THOC5: variants seen among roughly 807,000 people sequenced by gnomAD.
The protein encoded by THOC5 is THO complex subunit 5, also known as Fms-interacting protein.
THOC5 carries 43 observed loss-of-function variants against 92.9 expected under a neutral mutation model. That is an observed-to-expected ratio of 0.46 (90% confidence interval 0.36 to 0.60). The LOEUF (loss-of-function observed/expected upper bound fraction) is 0.60. Ranked by LOEUF, THOC5 falls within the 20% of genes least tolerant of loss-of-function variation. THOC5 has a pLI of 0.00. For missense variants in THOC5, 659 were observed against 849.4 expected (o/e 0.78, Z 2.79); for synonymous variants, 296 against 320.1 (o/e 0.92, Z 0.80).
chr22:29,552,318 C>A (rs566944782), intron 1 of THOC5, among the ~76,000 whole-genome samples: 29,505 of 149,382 alleles, frequency 0.2, 3,155 homozygotes, highest in East Asian at 0.42. Context: ...CTTCCCGGAC[C>A]CCATCCCGTC....
At position 29,508,439 on chromosome 22, in the gene THOC5, A is replaced by G. The variant is rs375282870; in HGVS notation, c.*18T>C. 11 of 1,613,936 alleles carry G rather than the reference A, an allele frequency of 6.8e-6. No individual in the cohort carries two copies. In the African/African-American group the frequency reaches 1.3e-4, roughly 20 times the overall value. On this transcript the variant is annotated 3_prime_UTR_variant, in exon 20 of 20. Coordinates refer to ENST00000490103, the MANE Select transcript of THOC5 (RefSeq NM_003678.5). The stretch of plus-strand genomic sequence containing the variant: ...CTCAGGGTGAGGCCTTGGGGGAAAC[A>G]ACGGTCTGCGCGGGAGATCAGCGAT...
intron 11 of THOC5, among the ~76,000 whole-genome samples, chr22:29,527,797 T>C (rs1286327905): frequency 1.3e-5 from 2 of 152,258 alleles, no homozygotes; most frequent in Non-Finnish European, 2.9e-5. Context: ...CTGTATACTT[T>C]TGCAACTTGT....
At chr22:29,530,263 G>C (rs1366797561) in intron 8 of THOC5, among the ~76,000 whole-genome samples, 1 of 151,680 alleles carries the variant, frequency 6.6e-6, no homozygotes, top group Non-Finnish European at 1.5e-5. Context: ...GGGTGTGGTG[G>C]CTCATGTCTG....
chr22:29,548,185 G>C (rs1480881963), intron 2 of THOC5, among the ~76,000 whole-genome samples: 1 of 152,042 alleles, frequency 6.6e-6, no homozygotes, highest in Non-Finnish European at 1.5e-5. Context: ...ATTTGGGTGG[G>C]GACACGGCCA....
chr22:29,540,903 A>G (rs930042113), intron 5 of THOC5, among the ~76,000 whole-genome samples: 2 of 152,182 alleles, frequency 1.3e-5, no homozygotes, highest in African/African-American at 4.8e-5. Flanking sequence ...TTTGTGGAAC[A>G]GATAAAGATG....
chr22:29,544,923 A>G (rs1181815534), intron 2 of THOC5: 2 of 286,718 alleles, frequency 7.0e-6, no homozygotes, highest in Non-Finnish European at 1.4e-5. Flanking sequence ...GGATAAATAA[A>G]CATTTTATTT....
At chr22:29,541,261 C>T (rs2063875514) in intron 5 of THOC5, among the ~76,000 whole-genome samples, 1 of 151,702 alleles carries the variant, frequency 6.6e-6, no homozygotes, top group African/African-American at 2.4e-5. Flanking sequence ...TTTAATCTTA[C>T]CCTTTTGGGA....
intron 8 of THOC5, chr22:29,531,527 CTTG>C (rs2063654903): frequency 8.9e-7 from 1 of 1,118,594 alleles, no homozygotes; most frequent in Non-Finnish European, 1.1e-6. Flanking sequence ...CCAAGCGTGC[CTTG>C]ATGGGGTGAG....
chr22:29,517,867 C>A (rs999629629), intron 15 of THOC5, among the ~76,000 whole-genome samples: 10 of 152,178 alleles, frequency 6.6e-5, no homozygotes, highest in African/African-American at 2.4e-4. Flanking sequence ...AGTTCCCTAC[C>A]TTGGGACAAA....
chr22:29,535,422 C>G (rs977514384), intron 7 of THOC5: 8 of 151,988 alleles, frequency 5.3e-5, no homozygotes, highest in African/African-American at 1.9e-4. Flanking sequence ...TGAATATAGA[C>G]TTTTCCAAGC....
At position 29,512,165 on chromosome 22, in the gene THOC5, G is replaced by A. The variant is rs2007668; in HGVS notation, c.1682-29C>T. ...GGAAGAGAGGAGAGAGGGGAAATGC[G>A]CAGTTCTAAGACTCAGCTTGCCAGC... On this transcript the variant is annotated intron_variant, in intron 17 of 19. Coordinates refer to ENST00000490103, the MANE Select transcript of THOC5 (RefSeq NM_003678.5). 4.4e-6 allele frequency: 7 copies of A among 1,592,308 alleles called. No homozygotes were observed. In the African/African-American group the frequency reaches 6.7e-5, roughly 15 times the overall value.
intron 13 of THOC5, among the ~76,000 whole-genome samples, chr22:29,520,411 AAATT>A (rs1469258159): frequency 1.3e-5 from 2 of 152,222 alleles, no homozygotes; most frequent in African/African-American, 4.8e-5. Flanking sequence ...AATCTTTTAA[AAATT>A]AATCCTCGGA....
chr22:29,508,651 A>G, intron 19 of THOC5, 131 bp from the exon 20 acceptor site: 1 of 807,318 alleles, frequency 1.2e-6, no homozygotes, highest in Non-Finnish European at 2.0e-6. Context: ...AGAAAAGCAT[A>G]CGGCAGAACA....
At chr22:29,519,190 GGGACC>G in intron 14 of THOC5, 70 bp from the exon 15 acceptor site, 1 of 1,062,748 alleles carries the variant, frequency 9.4e-7, no homozygotes, top group Non-Finnish European at 1.4e-6. Flanking sequence ...TCTCTCTCCT[GGGACC>G]TGCCTGTCTG....
intron 8 of THOC5, 133 bp from the exon 9 acceptor site, chr22:29,529,372 A>G: frequency 1.2e-6 from 1 of 858,654 alleles, no homozygotes; most frequent in East Asian, 2.5e-5. Context: ...GAAGGGCAAA[A>G]GTCCTTGCTC....
At chr22:29,530,636 A>T (rs2063634569) in intron 8 of THOC5, among the ~76,000 whole-genome samples, 1 of 152,220 alleles carries the variant, frequency 6.6e-6, no homozygotes, top group Non-Finnish European at 1.5e-5. Flanking sequence ...TATAAGGCTG[A>T]TAAACCAGGA....
At position 29,519,025 on chromosome 22, in the gene THOC5, G is replaced by A; in HGVS notation, c.1470C>T (p.His490=). The change falls in exon 15 of 20, where the codon CAC becomes CAT. Residue 490 remains histidine, a synonymous_variant. Transcript: ENST00000490103. The part of the protein sequence containing the change: ...KTRVQSRLAL[H]KQFASLEHGI... ...GCTTACCTAGGGATGCAAACTGTTT[G>A]TGGAGGGCCAGGCGGGACTGCACCC... The A allele has an allele frequency of 1.2e-6, 2 of 1,606,780 alleles. No homozygotes were observed.
intron 2 of THOC5, among the ~76,000 whole-genome samples, chr22:29,545,812 C>G (rs778852493): frequency 1.3e-5 from 2 of 152,176 alleles, no homozygotes; most frequent in Non-Finnish European, 2.9e-5. Context: ...GTGCATGGTG[C>G]AAGCCGTTCG....
chr22:29,549,400 A>T (rs1222730429), intron 1 of THOC5, among the ~76,000 whole-genome samples: 1 of 151,766 alleles, frequency 6.6e-6, no homozygotes, highest in Non-Finnish European at 1.5e-5. Flanking sequence ...ATCTACTTCA[A>T]CCTCTCCCTG....
Sources: gnomAD v4.1 joint callset for allele counts (sites outside exome capture counted in the v4.1 genomes callset) on GRCh38, gnomAD v4.1.1 for gene constraint, MANE v1.5 for transcripts, NCBI Gene and HGNC (gene_info 2026-07-23, HGNC 2026-07-21) for gene names.